The following PLAC1 variants were observed in gnomAD, a reference collection of about 807,000 sequenced individuals.
PLAC1 encodes placenta associated 1.
For missense variants in PLAC1, 136 were observed against 163.2 expected, an observed-to-expected ratio of 0.83 and a Z score of 0.91; for synonymous variants, 68 against 62.1, an observed-to-expected ratio of 1.09 and a Z score of -0.44.
At chrX:134,671,788 A>C (rs999955356) in intron 2 of PLAC1, among the ~76,000 whole-genome samples, 2 of 112,058 alleles carry the variant, frequency 1.8e-5, no homozygotes, top group African/African-American at 6.5e-5. Context: ...CCATATCACC[A>C]GTGAAACAAA....
chrX:134,566,737 A>G lies in PLAC1; in HGVS notation c.-55T>C, dbSNP rs1053880008. ...GGAAACAGGAAGCCGTCCAGTGAGG[A>G]TTTCTAGAGCACAAAAAAACACAAG... On this transcript the variant is annotated 5_prime_UTR_variant, in exon 3 of 3. Transcript: ENST00000359237. 9 of 965,532 alleles carry G rather than the reference A, an allele frequency of 9.3e-6. No homozygotes were observed. The highest frequency in any genetic ancestry group is 1.1e-5 in the Non-Finnish European group (8 of 707,305). 79.6% of individuals were successfully genotyped at this position (965,532 alleles called of 1,213,427 possible).
chrX:134,728,181 T>C (rs962032638), intron 2 of PLAC1, among the ~76,000 whole-genome samples: 4 of 110,396 alleles, frequency 3.6e-5, no homozygotes, highest in Admixed American at 9.7e-5. Context: ...TTAATGGGAG[T>C]TTCAGAAGGA....
At chrX:134,583,189 C>A (rs1033561818) in intron 2 of PLAC1, among the ~76,000 whole-genome samples, 109 of 111,009 alleles carry the variant, frequency 9.8e-4, no homozygotes, top group African/African-American at 3.3e-3. Context: ...TTAGAAGCTC[C>A]TAAGCTCTCT....
intron 2 of PLAC1, among the ~76,000 whole-genome samples, chrX:134,581,337 G>A (rs1227209370): frequency 9.0e-6 from 1 of 110,797 alleles, no homozygotes; most frequent in East Asian, 2.8e-4. Context: ...AAAAAGGGTG[G>A]GGGGCACTTA....
chrX:134,739,314 CT>C (rs2078711295), intron 1 of PLAC1, among the ~76,000 whole-genome samples: 1 of 112,328 alleles, frequency 8.9e-6, no homozygotes, highest in Non-Finnish European at 1.9e-5. Flanking sequence ...TTCGAGGTGA[CT>C]TTGGCTTTTC....
intron 2 of PLAC1, among the ~76,000 whole-genome samples, chrX:134,667,404 G>A (rs929263859): frequency 8.9e-6 from 1 of 112,162 alleles, no homozygotes; most frequent in African/African-American, 3.2e-5. Context: ...TACATGAATG[G>A]CCAATGGAGC....
chrX:134,593,713 T>C (rs199980766), intron 2 of PLAC1, among the ~76,000 whole-genome samples: 22 of 112,137 alleles, frequency 2.0e-4, no homozygotes, highest in African/African-American at 5.5e-4. Flanking sequence ...TATTAATATA[T>C]AGAAATACAA....
chrX:134,672,810 T>C (rs190373825), intron 2 of PLAC1, among the ~76,000 whole-genome samples: 158 of 112,692 alleles, frequency 1.4e-3, no homozygotes, highest in Non-Finnish European at 2.4e-3. Flanking sequence ...GGCTGGTGGG[T>C]GAGAAGATTT....
At chrX:134,718,559 A>G (rs746097599) in intron 2 of PLAC1, among the ~76,000 whole-genome samples, 1 of 112,012 alleles carries the variant, frequency 8.9e-6, no homozygotes, top group South Asian at 3.7e-4. Flanking sequence ...AAGCAAGTGG[A>G]TGCCATCTGG....
intron 2 of PLAC1, among the ~76,000 whole-genome samples, chrX:134,665,938 G>A (rs1376544365): frequency 1.8e-5 from 2 of 111,192 alleles, no homozygotes; most frequent in African/African-American, 6.5e-5. Context: ...AGAACAGCAT[G>A]ACCTTGGCTC....
chrX:134,616,650 A>C (rs1251894694), intron 1 of PLAC1, among the ~76,000 whole-genome samples: 1 of 110,942 alleles, frequency 9.0e-6, no homozygotes, highest in Admixed American at 9.5e-5. Flanking sequence ...CAAAAAAAAC[A>C]AAACAACAAA....
At chrX:134,660,578 GA>G (rs1291050269), upstream of PLAC1, among the ~76,000 whole-genome samples, 1 of 112,017 alleles carries the variant, frequency 8.9e-6, no homozygotes, top group African/African-American at 3.2e-5. Context: ...GAGTGAACCA[GA>G]AGATAGAGCT....
chrX:134,645,610 A>T (rs1361847694), intron 1 of PLAC1, among the ~76,000 whole-genome samples: 2 of 111,835 alleles, frequency 1.8e-5, no homozygotes, highest in Non-Finnish European at 3.8e-5. Flanking sequence ...GGAGGTCAGG[A>T]TCCATTGACT....
chrX:134,589,478 C>T (rs1483852130), intron 2 of PLAC1, among the ~76,000 whole-genome samples: 2 of 111,154 alleles, frequency 1.8e-5, no homozygotes, highest in South Asian at 3.8e-4. Flanking sequence ...TGGCTCATGC[C>T]TGTAATCCCA....
intron 2 of PLAC1, among the ~76,000 whole-genome samples, chrX:134,716,257 AG>A (rs1206295775): frequency 8.9e-6 from 1 of 112,392 alleles, no homozygotes; most frequent in Non-Finnish European, 1.9e-5. Flanking sequence ...ACCCACCCCT[AG>A]GGTTCCTTGC....
At chrX:134,630,737 G>A (rs1185940614) in intron 1 of PLAC1, among the ~76,000 whole-genome samples, 1 of 112,033 alleles carries the variant, frequency 8.9e-6, no homozygotes, top group Non-Finnish European at 1.9e-5. Flanking sequence ...TCTTGGCCAA[G>A]CTACTCAATT....
In PLAC1 at chrX:134,762,203, C is replaced by A. The variant is rs1361711582; in HGVS notation, n.89+2031G>T. 4.6e-5 allele frequency among the ~76,000 whole-genome samples: 5 copies of A among 108,029 alleles called. No individual in the cohort carries two copies. In the East Asian group the frequency reaches 1.4e-3, roughly 31 times the overall value. 93.8% of individuals were successfully genotyped at this position (108,029 alleles called of 115,157 possible). A position where few individuals can be genotyped will look rare whatever the true frequency, so the allele number is the denominator to read the frequency against. ...TTCCAGAACTGTTGAGGCACCCCCCCCCCAATGACCACTTCCAGTCATTCA... is the reference window on the plus strand; with the variant it reads ...TTCCAGAACTGTTGAGGCACCCCCCACCCAATGACCACTTCCAGTCATTCA... On this transcript the variant is annotated intron_variant and non_coding_transcript_variant, in intron 1 of 2. Coordinates refer to the PLAC1 transcript ENST00000466797.
rs189129654 is a variant in PLAC1 at position 134,578,367 on chromosome X, C to T, written c.-58-11627G>A. On this transcript the variant is annotated intron_variant, in intron 2 of 2. Coordinates refer to ENST00000359237, the MANE Select transcript of PLAC1 (RefSeq NM_021796.4). Reference sequence around the variant, plus strand: ...GGCAGAACTTGCAGTGAGCCGAGATCGCACCACTGCACTCCAGCCTGAGTG... The same window carrying T: ...GGCAGAACTTGCAGTGAGCCGAGATTGCACCACTGCACTCCAGCCTGAGTG... Among the ~76,000 whole-genome samples, 26 of 97,565 alleles carry T rather than the reference C, an allele frequency of 2.7e-4. No homozygotes were observed. The East Asian group carries it at 7.4e-3, about 28-fold the overall frequency. The allele number at this position is 97,565 out of a possible 115,157, so 84.7% of individuals were successfully genotyped here.
upstream of PLAC1, among the ~76,000 whole-genome samples, chrX:134,663,249 T>C (rs1192706614): frequency 1.8e-5 from 2 of 112,964 alleles, no homozygotes; most frequent in Non-Finnish European, 3.7e-5. Flanking sequence ...TATCAACCAA[T>C]ACTTATGTCA....
Sources: gnomAD v4.1 joint callset for allele counts (sites outside exome capture counted in the v4.1 genomes callset) on GRCh38, gnomAD v4.1.1 for gene constraint, MANE v1.5 for transcripts, NCBI Gene and HGNC (gene_info 2026-07-23, HGNC 2026-07-21) for gene names.